The following ABCD3 variants were observed in gnomAD, a reference collection of about 807,000 sequenced individuals.
ABCD3 encodes the protein ATP binding cassette subfamily D member 3.
In ABCD3, 41 loss-of-function variants were observed where a neutral mutation model predicts 105.5. That is an observed-to-expected ratio of 0.39 (90% CI 0.30 to 0.50). The LOEUF is 0.50. Ranked by LOEUF, ABCD3 falls within the 20% of genes least tolerant of loss-of-function variation. ABCD3 has a pLI of 0.84. For missense variants in ABCD3, 622 were observed against 806.3 expected (o/e 0.77, Z 2.77); for synonymous variants, 258 against 269.0 (o/e 0.96, Z 0.40).
intron 1 of ABCD3, among the ~76,000 whole-genome samples, chr1:94,442,285 A>G (rs1037556366): frequency 2.6e-5 from 4 of 152,188 alleles, no homozygotes; most frequent in African/African-American, 9.6e-5. Flanking sequence ...CTGTAAGATG[A>G]CTTATGTGGC....
intron 1 of ABCD3, among the ~76,000 whole-genome samples, chr1:94,439,370 AG>A (rs1351171165): frequency 1.3e-5 from 2 of 152,046 alleles, no homozygotes; most frequent in African/African-American, 4.8e-5. Context: ...GGCTGGGCGC[AG>A]TGGCTCATAC....
At chr1:94,475,495 T>C in intron 6 of ABCD3, 119 bp from the exon 7 acceptor site, 1 of 1,085,846 alleles carries the variant, frequency 9.2e-7, no homozygotes, top group Admixed American at 2.2e-5. Context: ...GGATCTCTTC[T>C]GGCTCCAAAC....
upstream of ABCD3, among the ~76,000 whole-genome samples, chr1:94,418,093 C>A (rs765496134): frequency 3.9e-5 from 6 of 152,156 alleles, no homozygotes; most frequent in Non-Finnish European, 8.8e-5. Flanking sequence ...GCCCGCTCAT[C>A]CAGTTATTGT....
In ABCD3 at chr1:94,487,679, C is replaced by T. The variant is rs1473054641; in HGVS notation, c.968-15C>T. 1.2e-5 allele frequency: 19 copies of T among 1,613,412 alleles called. No homozygotes were observed. The highest frequency in any genetic ancestry group is 1.5e-5 in the Non-Finnish European group (18 of 1,179,540). ...AATACTGTTACTGTTTTAAATCTTA[C>T]CTGTTTGGTTTCAGACCTTGCCACT... On this transcript the variant is annotated splice_polypyrimidine_tract_variant and intron_variant, in intron 11 of 22. Transcript: ENST00000370214.
chr1:94,489,102 G>A (rs530838126), intron 13 of ABCD3, among the ~76,000 whole-genome samples: 3 of 152,088 alleles, frequency 2.0e-5, no homozygotes, highest in East Asian at 1.9e-4. Context: ...TTTCTTCTTC[G>A]ATGCAGAATA....
At chr1:94,454,974 A>G (rs886581501) in intron 1 of ABCD3, among the ~76,000 whole-genome samples, 2 of 152,154 alleles carry the variant, frequency 1.3e-5, no homozygotes, top group Non-Finnish European at 2.9e-5. Flanking sequence ...TATAGAACTA[A>G]TTTTGTTTTC....
chr1:94,483,250 A>G lies in ABCD3; in HGVS notation c.897+11A>G. ...GTCTTCCGAAAACTGGTAAGATAAC[A>G]CACTTGAGGTTCATGTGTTTATGGA... On this transcript the variant is annotated intron_variant, in intron 10 of 22. Transcript: ENST00000370214. The G allele has an allele frequency of 6.2e-7, 1 of 1,607,048 alleles. No individual in the cohort carries two copies. The highest frequency in any genetic ancestry group is 8.5e-7 in the Non-Finnish European group (1 of 1,173,774).
intron 1 of ABCD3, among the ~76,000 whole-genome samples, chr1:94,436,641 C>T (rs1251664647): frequency 6.6e-6 from 1 of 152,208 alleles, no homozygotes; most frequent in Non-Finnish European, 1.5e-5. Flanking sequence ...ATTTTACCAA[C>T]AGCATGTGCT....
intron 20 of ABCD3, among the ~76,000 whole-genome samples, chr1:94,504,799 A>T (rs540034107): frequency 1.3e-5 from 2 of 152,260 alleles, no homozygotes; most frequent in Non-Finnish European, 2.9e-5. Flanking sequence ...GGAGCAGCAG[A>T]AGTGGTAGGA....
the ABCD3 span, among the ~76,000 whole-genome samples, chr1:94,400,242 C>G: frequency 1.3e-5 from 2 of 152,052 alleles, no homozygotes; most frequent in South Asian, 4.2e-4. Context: ...AACCCCATCT[C>G]TACTAAAAAT....
At chr1:94,476,273 G>A (rs760437385) in intron 7 of ABCD3, among the ~76,000 whole-genome samples, 17 of 152,118 alleles carry the variant, frequency 1.1e-4, no homozygotes, top group Non-Finnish European at 2.1e-4. Flanking sequence ...ATAGGCCTTA[G>A]TCAGTTTTCC....
At chr1:94,426,649 T>C (rs1176850305) in intron 1 of ABCD3, among the ~76,000 whole-genome samples, 1 of 151,952 alleles carries the variant, frequency 6.6e-6, no homozygotes, top group Non-Finnish European at 1.5e-5. Flanking sequence ...TTCAAGTGAT[T>C]ATCTTGCCTC....
intron 16 of ABCD3, among the ~76,000 whole-genome samples, chr1:94,498,389 G>GA (rs1362482734): frequency 1.3e-5 from 2 of 151,334 alleles, no homozygotes; most frequent in African/African-American, 2.4e-5. Context: ...TTTTTTAAGT[G>GA]AAAAAAAAGT....
intron 1 of ABCD3, among the ~76,000 whole-genome samples, chr1:94,421,549 T>C (rs1056472788): frequency 7.1e-6 from 1 of 141,212 alleles, no homozygotes; most frequent in Non-Finnish European, 1.6e-5. Context: ...ATTACTGTAC[T>C]GGGAGCTATA....
intron 16 of ABCD3, among the ~76,000 whole-genome samples, chr1:94,496,692 C>CTAT (rs1649814792): frequency 9.9e-5 from 2 of 20,138 alleles, no homozygotes; most frequent in African/African-American, 4.0e-4. Flanking sequence ...AGCCTTGTTT[C>CTAT]TGTTTTTTTT....
chr1:94,487,433 C>T (rs953428792), intron 10 of ABCD3, 109 bp from the exon 11 acceptor site: 6 of 943,948 alleles, frequency 6.4e-6, no homozygotes, highest in South Asian at 4.2e-5. Flanking sequence ...CACGGGCACT[C>T]AGTAAATATT....
intron 21 of ABCD3, chr1:94,513,718 A>G (rs1650794168): frequency 6.6e-6 from 1 of 152,050 alleles, no homozygotes; most frequent in Admixed American, 6.6e-5. Flanking sequence ...TTTGACTTAT[A>G]TACTTCATAT....
chr1:94,399,094 A>G, the ABCD3 span, among the ~76,000 whole-genome samples: 1 of 152,186 alleles, frequency 6.6e-6, no homozygotes. Flanking sequence ...TACAAAATGC[A>G]CAAAGTCATG....
chr1:94,428,184 CAGTTA>C (rs1455521189), intron 1 of ABCD3, among the ~76,000 whole-genome samples: 2 of 151,206 alleles, frequency 1.3e-5, no homozygotes, highest in African/African-American at 2.4e-5. Flanking sequence ...CGAGTGAATG[CAGTTA>C]AGTTAATAAA....
Sources: allele counts gnomAD v4.1 joint callset (sites outside exome capture counted in the v4.1 genomes callset), GRCh38; gene constraint gnomAD v4.1.1; transcripts MANE v1.5; gene names NCBI Gene and HGNC (gene_info 2026-07-23, HGNC 2026-07-21).